Variants in RABGEF1 observed in about 807,000 individuals in gnomAD.
RABGEF1 encodes the protein RAB guanine nucleotide exchange factor 1, also known as rab5 GDP/GTP exchange factor.
RABGEF1 carries 26 observed loss-of-function variants against 57.3 expected under a neutral mutation model. The observed-to-expected ratio is 0.45, with a 90% CI of 0.33 to 0.63. The LOEUF is 0.63. Ranked by LOEUF, RABGEF1 falls within the 20% of genes least tolerant of loss-of-function variation. RABGEF1 has a pLI of 0.02. For synonymous variants in RABGEF1, 185 were observed against 210.7 expected (o/e 0.88, Z 1.06); for missense variants, 464 against 607.6 (o/e 0.76, Z 2.48).
chr7:66,742,765 C>G (rs1799285125), intron 1 of RABGEF1, among the ~76,000 whole-genome samples: 1 of 152,134 alleles, frequency 6.6e-6, no homozygotes, highest in East Asian at 1.9e-4. Flanking sequence ...TGCCACCACA[C>G]CCAGCTGATT....
At chr7:66,695,692 G>A (rs1388174494) in intron 1 of RABGEF1, among the ~76,000 whole-genome samples, 2 of 152,158 alleles carry the variant, frequency 1.3e-5, no homozygotes, top group Admixed American at 6.5e-5. Context: ...CTGGCCAGGC[G>A]CAGTGGCTCA....
At chr7:66,797,306 CAAAAA>C in intron 5 of RABGEF1, 63 bp from the exon 6 acceptor site, 3 of 972,308 alleles carry the variant, frequency 3.1e-6, no homozygotes, top group Non-Finnish European at 2.7e-6. Flanking sequence ...TCTTTGTTTG[CAAAAA>C]AAAAAAAAAA....
chr7:66,699,417 G>A (rs1201337701), intron 1 of RABGEF1, among the ~76,000 whole-genome samples: 1 of 152,208 alleles, frequency 6.6e-6, no homozygotes, highest in Non-Finnish European at 1.5e-5. Flanking sequence ...GTGGCTGGGT[G>A]CAGTGGCTCA....
At chr7:66,748,073 C>T (rs1034973431) in intron 1 of RABGEF1, among the ~76,000 whole-genome samples, 3 of 152,168 alleles carry the variant, frequency 2.0e-5, no homozygotes, top group African/African-American at 7.2e-5. Flanking sequence ...TAATCAGTTA[C>T]ATGGGTCAGT....
intron 1 of RABGEF1, among the ~76,000 whole-genome samples, chr7:66,759,795 C>G (rs916831248): frequency 2.6e-5 from 4 of 152,180 alleles, no homozygotes; most frequent in African/African-American, 9.7e-5. Flanking sequence ...ATCAGATCAC[C>G]TTTCACAGGC....
At chr7:66,763,087 T>A (rs1397900143) in intron 1 of RABGEF1, among the ~76,000 whole-genome samples, 1 of 152,174 alleles carries the variant, frequency 6.6e-6, no homozygotes, top group African/African-American at 2.4e-5. Context: ...AGCCTCAAAT[T>A]CCCAGCCTCA....
At chr7:66,727,371 C>T (rs904949817) in intron 2 of RABGEF1, among the ~76,000 whole-genome samples, 6 of 152,170 alleles carry the variant, frequency 3.9e-5, no homozygotes, top group South Asian at 2.1e-4. Context: ...CAATACCTTC[C>T]ACGGCCTCCC....
At chr7:66,699,849 T>G (rs1028948378) in intron 1 of RABGEF1, among the ~76,000 whole-genome samples, 1 of 151,954 alleles carries the variant, frequency 6.6e-6, no homozygotes. Flanking sequence ...AGAGACCCTG[T>G]CTCAAAAATA....
At chr7:66,799,461 G>T (rs377036415) in intron 7 of RABGEF1, 47 bp downstream of exon 7, 149 of 1,446,870 alleles carry the variant, frequency 1.0e-4, no homozygotes, top group Non-Finnish European at 1.3e-4. Context: ...TCCCCTTAAA[G>T]TTAACATTTT....
At chr7:66,801,007 C>G (rs1374284071) in intron 7 of RABGEF1, among the ~76,000 whole-genome samples, 3 of 152,182 alleles carry the variant, frequency 2.0e-5, no homozygotes, top group African/African-American at 7.2e-5. Flanking sequence ...ATGTTCTGGG[C>G]TGACAAGTAA....
the RABGEF1 span, among the ~76,000 whole-genome samples, chr7:66,660,593 A>G: frequency 1.2e-4 from 18 of 152,150 alleles, no homozygotes; most frequent in Middle Eastern, 3.4e-3. Context: ...AGTGCACTCC[A>G]TTGCACTCCA....
upstream of RABGEF1, chr7:66,682,030 C>A (rs532003165): frequency 1.2e-5 from 2 of 164,434 alleles, no homozygotes; most frequent in African/African-American, 4.8e-5. Context: ...GGATCCCGCT[C>A]GCACTTCCTC....
chr7:66,745,701 G>A (rs1293998756), intron 1 of RABGEF1, among the ~76,000 whole-genome samples: 2 of 151,418 alleles, frequency 1.3e-5, no homozygotes, highest in African/African-American at 2.4e-5. Context: ...CCCGGGAGGC[G>A]GAAATTGCAA....
chr7:66,775,076 T>C (rs929196585), intron 2 of RABGEF1, 151 bp from the exon 3 acceptor site: 2 of 798,720 alleles, frequency 2.5e-6, no homozygotes, highest in African/African-American at 3.5e-5. Context: ...CCGTCCATCC[T>C]GTAGCAATGT....
At chr7:66,664,603 C>T in the RABGEF1 span, among the ~76,000 whole-genome samples, 63 of 152,148 alleles carry the variant, frequency 4.1e-4, no homozygotes, top group Non-Finnish European at 6.8e-4. Context: ...GACCGTGTCT[C>T]TTAAATTTAA....
intron 7 of RABGEF1, among the ~76,000 whole-genome samples, chr7:66,802,307 A>G (rs148770620): frequency 1.1e-3 from 161 of 152,324 alleles, no homozygotes; most frequent in African/African-American, 3.6e-3. Context: ...TACAACAAAG[A>G]ATTATTCAAC....
At chr7:66,763,263 C>T (rs1459627632) in intron 1 of RABGEF1, among the ~76,000 whole-genome samples, 8 of 152,002 alleles carry the variant, frequency 5.3e-5, no homozygotes, top group Non-Finnish European at 8.8e-5. Flanking sequence ...AATTAAGCAT[C>T]GGCCAGCCTG....
the RABGEF1 span, among the ~76,000 whole-genome samples, chr7:66,663,663 G>A: frequency 6.6e-6 from 1 of 151,552 alleles, no homozygotes; most frequent in Non-Finnish European, 1.5e-5. Context: ...AGTGGGTGCA[G>A]CGCACCAGCA....
At chr7:66,672,557 G>A in the RABGEF1 span, among the ~76,000 whole-genome samples, 3 of 152,190 alleles carry the variant, frequency 2.0e-5, no homozygotes, top group South Asian at 6.2e-4. Context: ...AATAATTATA[G>A]CTGCTGCACA....
Sources: gnomAD v4.1 joint callset for allele counts (sites outside exome capture counted in the v4.1 genomes callset) on GRCh38, gnomAD v4.1.1 for gene constraint, MANE v1.5 for transcripts, NCBI Gene and HGNC (gene_info 2026-07-23, HGNC 2026-07-21) for gene names.